Variants in SEC14L5 observed in about 807,000 individuals in gnomAD.
SEC14L5 encodes SEC14-like protein 5.
Under a neutral mutation model 84.6 loss-of-function variants are expected in SEC14L5, and 96 were observed. That is an observed-to-expected ratio of 1.13 (90% CI 0.96 to 1.34). SEC14L5 has a LOEUF of 1.34. Ranked by LOEUF, SEC14L5 falls within the 40% of genes most tolerant of loss-of-function variation. The pLI, the probability that SEC14L5 is intolerant of heterozygous loss-of-function variation, is 0.00. For missense variants in SEC14L5, 1,224 were observed against 942.5 expected (o/e 1.30, Z -3.91); for synonymous variants, 546 against 383.4 (o/e 1.42, Z -4.95).
intron 2 of SEC14L5, among the ~76,000 whole-genome samples, chr16:4,966,602 A>C (rs1260708276): frequency 2.0e-5 from 3 of 152,100 alleles, no homozygotes; most frequent in African/African-American, 7.2e-5. Flanking sequence ...CTATTCACTT[A>C]TTAATTCCTC....
At chr16:4,965,138 C>G (rs1252695058) in intron 2 of SEC14L5, among the ~76,000 whole-genome samples, 8 of 152,110 alleles carry the variant, frequency 5.3e-5, no homozygotes, top group Non-Finnish European at 1.0e-4. Context: ...TAAGAAGACA[C>G]CTGAGGGTAC....
intron 2 of SEC14L5, among the ~76,000 whole-genome samples, chr16:4,967,564 T>A (rs1037365290): frequency 7.6e-5 from 1 of 13,166 alleles, no homozygotes; most frequent in Non-Finnish European, 1.2e-4. Flanking sequence ...TTTCTTTCGT[T>A]TTTTTTTTTT....
rs1955796989 is a variant in SEC14L5 at position 5,011,173 on chromosome 16, A to C, written c.1879A>C (p.Ser627Arg). 8.1e-6 allele frequency: 13 copies of C among 1,613,534 alleles called. No homozygotes were observed. The East Asian group carries it at 2.9e-4, about 36-fold the overall frequency. Residue 627 changes from serine to arginine, a missense_variant, in exon 15 of 16, where the codon AGC becomes CGC. Physicochemically the swap from Ser to Arg is moderately radical, Grantham distance 110. Transcript: ENST00000251170. ...MHSPPSSVAC[S>R]LPGVDDVLTA... ...CAGCCCCCCCAGCAGCGTGGCCTGC[A>C]GCCTCCCGGGTGTGGACGATGTCCT...
At chr16:4,989,533 G>T (rs2142505008) in intron 4 of SEC14L5, among the ~76,000 whole-genome samples, 1 of 152,228 alleles carries the variant, frequency 6.6e-6, no homozygotes, top group South Asian at 2.1e-4. Flanking sequence ...TTTTAGTAGA[G>T]ATAGGGTTTC....
At chr16:4,986,139 C>CTTT (rs1322526710) in intron 2 of SEC14L5, among the ~76,000 whole-genome samples, 223 of 150,376 alleles carry the variant, frequency 1.5e-3, no homozygotes, top group African/African-American at 5.0e-3. Flanking sequence ...TCTTCTTCTT[C>CTTT]TTCTTTTTTT....
intron 2 of SEC14L5, among the ~76,000 whole-genome samples, chr16:4,985,930 T>C (rs1422026371): frequency 6.6e-6 from 1 of 152,032 alleles, no homozygotes; most frequent in Non-Finnish European, 1.5e-5. Flanking sequence ...TGTGTATAAT[T>C]TTTTTGTGTG....
At chr16:4,962,635 C>T (rs555835459) in intron 2 of SEC14L5, among the ~76,000 whole-genome samples, 2 of 146,168 alleles carry the variant, frequency 1.4e-5, no homozygotes, top group Non-Finnish European at 3.0e-5. Flanking sequence ...TTGCAGGGAG[C>T]CGAGATCGTG....
rs1364247435 is a variant in SEC14L5 at position 5,007,454 on chromosome 16, T to C, written c.1540T>C (p.Ser514Pro). ...GTGGCAGTGGAGTGAGACCTACCAT[T>C]CAGCCAGCGTGCTCCGCGGAGCCCC... ...QLWQWSETYH[S>P]ASVLRGAPHE... The change falls in exon 13 of 16, where the codon TCA becomes CCA. Residue 514 changes from serine (S) to proline (P), a missense_variant. Transcript: ENST00000251170. 1 of 1,613,752 alleles carries C rather than the reference T, an allele frequency of 6.2e-7. No homozygotes were observed. The highest frequency in any genetic ancestry group is 8.5e-7 in the Non-Finnish European group (1 of 1,179,836).
At chr16:5,013,145 C>A (rs1298037534) in intron 15 of SEC14L5, among the ~76,000 whole-genome samples, 2 of 152,092 alleles carry the variant, frequency 1.3e-5, no homozygotes, top group African/African-American at 2.4e-5. Context: ...AATCACCTCC[C>A]ACCAGATCCC....
At chr16:5,010,853 C>T (rs758641806) in intron 14 of SEC14L5, 4 of 491,294 alleles carry the variant, frequency 8.1e-6, no homozygotes, top group East Asian at 3.0e-5. Context: ...TGCACCCCCA[C>T]CCCCAGGCGT....
chr16:5,014,935 G>A lies in SEC14L5; in HGVS notation c.2056G>A (p.Gly686Ser), dbSNP rs764165666. ...CGCCGCCACCTCGTCCTCCTCCTCC[G>A]GCCAGTCTCATAGCAGCTCCCTGGT... ...LSAATSSSSS[G>S]QSHSSSLVSR is the part of the protein sequence containing the mutation. Residue 686 changes from glycine (G) to serine (S), a missense_variant, in exon 16 of 16, where the codon GGC (glycine) becomes AGC (serine). Transcript: ENST00000251170. The A allele has an allele frequency of 3.2e-5, 52 of 1,612,442 alleles. No individual in the cohort carries two copies. The highest frequency in any genetic ancestry group is 8.8e-5 in the South Asian group (8 of 91,082).
At chr16:5,012,617 A>G (rs893996909) in intron 15 of SEC14L5, among the ~76,000 whole-genome samples, 4 of 152,032 alleles carry the variant, frequency 2.6e-5, no homozygotes, top group African/African-American at 9.7e-5. Context: ...AGAAAGAACT[A>G]CCTGAGGCCG....
chr16:4,959,389 G>C lies in SEC14L5; in HGVS notation c.63+3G>C. 6.2e-7 allele frequency: 1 copy of C among 1,613,382 alleles called. No homozygotes were observed. The highest frequency in any genetic ancestry group is 1.3e-5 in the African/African-American group (1 of 75,010). ...ACCCGTTTGAGCTGGTCATGGCGGT[G>C]AGTGACTCCTGATTCTTGGGCCCCC... On this transcript the variant is annotated splice_donor_region_variant and intron_variant, in intron 2 of 15. Transcript: ENST00000251170.
rs1233460782 is a variant in SEC14L5 at position 4,959,365 on chromosome 16, C to T, written c.42C>T (p.Tyr14=). ...RYQSPVRVYK[Y]PFELVMAAYE... Reference sequence around the variant, plus strand: ...AGTCTCCTGTCCGAGTCTACAAGTACCCGTTTGAGCTGGTCATGGCGGTGA... The same window carrying T: ...AGTCTCCTGTCCGAGTCTACAAGTATCCGTTTGAGCTGGTCATGGCGGTGA... The change falls in exon 2 of 16, where the codon TAC becomes TAT. Residue 14 remains tyrosine (Y), a synonymous_variant. Coordinates refer to ENST00000251170, the MANE Select transcript of SEC14L5 (RefSeq NM_014692.2). The T allele has an allele frequency of 2.5e-6, 4 of 1,613,884 alleles. No individual in the cohort carries two copies. The highest frequency in any genetic ancestry group is 3.4e-6 in the Non-Finnish European group (4 of 1,179,792).
At chr16:4,981,139 T>G (rs923903586) in intron 2 of SEC14L5, among the ~76,000 whole-genome samples, 5 of 151,974 alleles carry the variant, frequency 3.3e-5, no homozygotes, top group African/African-American at 1.2e-4. Flanking sequence ...TTATTTGAGA[T>G]GGAGTCTTGC....
At chr16:4,997,126 T>C (rs985187215) in intron 8 of SEC14L5, 82 bp downstream of exon 8, 6 of 1,010,402 alleles carry the variant, frequency 5.9e-6, no homozygotes, top group Non-Finnish European at 8.3e-6. Flanking sequence ...TGAGATGGGG[T>C]CTCACTCTGT....
At chr16:4,981,404 G>A (rs955100659) in intron 2 of SEC14L5, among the ~76,000 whole-genome samples, 2 of 151,770 alleles carry the variant, frequency 1.3e-5, no homozygotes, top group Non-Finnish European at 2.9e-5. Flanking sequence ...GAGCCACCGC[G>A]CCTGGTCTCG....
intron 2 of SEC14L5, among the ~76,000 whole-genome samples, chr16:4,974,348 C>T (rs1196869579): frequency 4.0e-5 from 6 of 151,784 alleles, no homozygotes; most frequent in South Asian, 2.1e-4. Flanking sequence ...ACCACAGGCA[C>T]GCACCATCAT....
rs1329917529 is a variant in SEC14L5, at chr16:4,962,813, T to TC, written c.63+3430dup. Among the ~76,000 whole-genome samples, 4 of 152,126 alleles carry TC rather than the reference T, an allele frequency of 2.6e-5. No homozygotes were observed. The South Asian group carries it at 8.3e-4, about 32-fold the overall frequency. The stretch of plus-strand genomic sequence containing the variant: ...CATACAGTCCTTGTCTGTGAAATGG[T>TC]CCCAAGCCACAGCAACACTGCCAAC... On this transcript the variant is annotated intron_variant, in intron 2 of 15. Coordinates refer to ENST00000251170, the MANE Select transcript of SEC14L5 (RefSeq NM_014692.2).
Sources: gnomAD v4.1 joint callset for allele counts (sites outside exome capture counted in the v4.1 genomes callset) on GRCh38, gnomAD v4.1.1 for gene constraint, MANE v1.5 for transcripts, NCBI Gene and HGNC (gene_info 2026-07-23, HGNC 2026-07-21) for gene names.